Variants in MYH9 observed in about 807,000 individuals in gnomAD.
The protein encoded by MYH9 is myosin-9.
In MYH9, 29 loss-of-function variants were observed where a neutral mutation model predicts 241.9. The ratio of observed to expected loss-of-function variants is 0.12; its 90% confidence interval spans 0.09 to 0.16. The LOEUF (loss-of-function observed/expected upper bound fraction) is 0.16. MYH9 is among the 10% of genes least tolerant of loss of function. The pLI is 1.00. For missense variants in MYH9, 1,803 were observed against 2,595.5 expected, an observed-to-expected ratio of 0.69 and a Z score of 6.63; for synonymous variants, 1,047 against 1,062.6, an observed-to-expected ratio of 0.99 and a Z score of 0.29.
chr22:36,321,688 C>T (rs1603483466), intron 7 of MYH9, 70 bp downstream of exon 7: 1 of 1,411,166 alleles, frequency 7.1e-7, no homozygotes, highest in East Asian at 2.3e-5. Flanking sequence ...CAGGAGGCAG[C>T]TTCTTCTCTA....
At chr22:36,308,059 T>C (rs2017000396) in intron 15 of MYH9, among the ~76,000 whole-genome samples, 1 of 152,092 alleles carries the variant, frequency 6.6e-6, no homozygotes, top group African/African-American at 2.4e-5. Flanking sequence ...GAGTGTGTCC[T>C]GGCCCCACCC....
intron 24 of MYH9, chr22:36,297,219 C>T (rs1569535080): frequency 1.6e-6 from 1 of 612,768 alleles, no homozygotes; most frequent in Non-Finnish European, 2.9e-6. Context: ...CTCTCTCCAA[C>T]TCACCCCTTG....
chr22:36,284,294 C>T, intron 39 of MYH9, 29 bp from the exon 40 acceptor site: 1 of 1,606,022 alleles, frequency 6.2e-7, no homozygotes, highest in Non-Finnish European at 8.5e-7. Flanking sequence ...GGCCCGTGGC[C>T]CCGGTTAGGG....
chr22:36,284,463 C>G lies in MYH9; in HGVS notation c.5532G>C (p.Leu1844=), dbSNP rs774510520. 6.2e-7 allele frequency: 1 copy of G among 1,613,584 alleles called. No individual in the cohort carries two copies. The highest frequency in any genetic ancestry group is 1.7e-5 in the Admixed American group (1 of 60,030). ...CKQVRRTEKK[L]KDVLLQVDDE... ...CATCCACCTGCAGCAGCACATCCTT[C>G]AGCTTCTTCTCGGTCCGACGCACCT... Residue 1844 remains leucine, a synonymous_variant, in exon 39 of 41, where the codon CTG becomes CTC. Coordinates refer to ENST00000216181, the MANE Select transcript of MYH9 (RefSeq NM_002473.6).
chr22:36,381,878 T>C (rs962534655), intron 1 of MYH9, among the ~76,000 whole-genome samples: 2 of 152,256 alleles, frequency 1.3e-5, no homozygotes, highest in Admixed American at 6.5e-5. Flanking sequence ...ATGAAGATTC[T>C]CAGACATTTC....
rs1356205630 is a variant in MYH9, at chr22:36,304,098, A to C, written c.2287T>G (p.Phe763Val). The change falls in exon 19 of 41, where the codon TTC becomes GTC. Residue 763 changes from phenylalanine to valine, a missense_variant. Physicochemically the swap from Phe to Val is conservative, Grantham distance 50. Coordinates refer to ENST00000216181, the MANE Select transcript of MYH9 (RefSeq NM_002473.6). ...LYRIGQSKVF[F>V]RAGVLAHLEE... ...AGGTGGGCCAGCACACCGGCACGGA[A>C]GAAGACTTTGCTCTGGCCAATGCGG... The C allele has an allele frequency of 6.2e-7, 1 of 1,613,836 alleles. No individual in the cohort carries two copies. The highest frequency in any genetic ancestry group is 2.2e-5 in the East Asian group (1 of 44,892).
rs1327842121 is a variant in MYH9 at position 36,306,180 on chromosome 22, G to A, written c.2038-129C>T. ...GGGGGTCGCTACAGCCCACAGGTTT[G>A]GACAATGAAGTCAAAGGATCCAGGT... On this transcript the variant is annotated intron_variant, in intron 16 of 40. Transcript: ENST00000216181. The surrounding 1 kb of genome is among the most constrained non-coding windows in gnomAD (Gnocchi z 4.1). 6.8e-7 allele frequency: 1 copy of A among 1,477,190 alleles called. No homozygotes were observed. Among genetic ancestry groups the A allele is most frequent in the East Asian group, 2.3e-5 (1 of 43,438 alleles). The allele number at this position is 1,477,190 out of a possible 1,614,324, so 91.5% of individuals were successfully genotyped here.
chr22:36,344,707 C>T (rs948169727), intron 2 of MYH9, among the ~76,000 whole-genome samples: 2 of 152,156 alleles, frequency 1.3e-5, no homozygotes, highest in Non-Finnish European at 2.9e-5. Context: ...CTACCCACCA[C>T]GCCCACCCAC....
intron 9 of MYH9, 38 bp from the exon 10 acceptor site, chr22:36,319,673 G>T: frequency 1.3e-6 from 2 of 1,597,886 alleles, no homozygotes; most frequent in Non-Finnish European, 1.7e-6. Context: ...AAGCAGACAT[G>T]GGTCATGGTG....
At chr22:36,332,102 C>G (rs1362635747) in intron 3 of MYH9, among the ~76,000 whole-genome samples, 1 of 152,096 alleles carries the variant, frequency 6.6e-6, no homozygotes, top group Non-Finnish European at 1.5e-5. Flanking sequence ...GGAAACCTCA[C>G]GCACCCCAGG....
At chr22:36,321,017 A>G (rs1291396738) in intron 7 of MYH9, 121 bp from the exon 8 acceptor site, 1 of 732,822 alleles carries the variant, frequency 1.4e-6, no homozygotes, top group Admixed American at 2.1e-5. Context: ...CAGTGGCATG[A>G]TCTCGGCTCA....
chr22:36,292,315 C>T (rs2016719360), intron 30 of MYH9, 81 bp from the exon 31 acceptor site: 2 of 1,576,748 alleles, frequency 1.3e-6, no homozygotes, highest in Non-Finnish European at 1.7e-6. Context: ...CAGCTGGGAG[C>T]CTGCCTGCCA....
In MYH9 at chr22:36,316,591, C is replaced by G; in HGVS notation, c.1306G>C (p.Ala436Pro). 1 of 1,614,108 alleles carries G rather than the reference C, an allele frequency of 6.2e-7. No homozygotes were observed. The highest frequency in any genetic ancestry group is 8.5e-7 in the Non-Finnish European group (1 of 1,180,026). ...CCCTGCCTCTTGGTCTTGTCCAGAG[C>G]CTTGTTGATGCGCAGCACCAGCCAG... ...FRWLVLRINK[A>P]LDKTKRQGAS... The change falls in exon 12 of 41, where the codon GCT becomes CCT. Residue 436 changes from alanine to proline, a missense_variant. Coordinates refer to ENST00000216181, the MANE Select transcript of MYH9 (RefSeq NM_002473.6).
intron 1 of MYH9, among the ~76,000 whole-genome samples, chr22:36,366,423 A>G (rs2018011498): frequency 6.6e-6 from 1 of 152,082 alleles, no homozygotes; most frequent in African/African-American, 2.4e-5. Flanking sequence ...CAGGCAAGTG[A>G]GACTCAGCTG....
At chr22:36,345,228 C>T (rs2017658588) in intron 2 of MYH9, among the ~76,000 whole-genome samples, 1 of 149,758 alleles carries the variant, frequency 6.7e-6, no homozygotes, top group Admixed American at 6.8e-5. Context: ...AGGAGAATGG[C>T]GTGAACCCGG....
chr22:36,336,870 C>T (rs890212550), intron 3 of MYH9, among the ~76,000 whole-genome samples: 8 of 152,250 alleles, frequency 5.3e-5, no homozygotes, highest in African/African-American at 1.4e-4. Context: ...CTCGTCTCTC[C>T]ACCTGGACCG....
chr22:36,319,670 C>A (rs756349841), intron 9 of MYH9, 35 bp from the exon 10 acceptor site: 8 of 1,602,244 alleles, frequency 5.0e-6, no homozygotes, highest in Non-Finnish European at 6.8e-6. Context: ...CAGAAGCAGA[C>A]ATGGGTCATG....
At position 36,341,522 on chromosome 22, in the gene MYH9, T is replaced by C. The variant is rs747387786; in HGVS notation, c.338A>G (p.Tyr113Cys). 3 of 1,614,022 alleles carry C rather than the reference T, an allele frequency of 1.9e-6. No homozygotes were observed. Among genetic ancestry groups the C allele is most frequent in the South Asian group, 1.1e-5 (1 of 91,088 alleles). ...GATGACCACACAGAACAGGCCTGAA[T>C]AGGTCTAAAGAAAAGAGCGGCAGAT... Reference protein sequence around the residue: ...ERYYSGLIYTYSGLFCVVINP... With the variant: ...ERYYSGLIYTCSGLFCVVINP... The change falls in exon 3 of 41, where the codon TAT becomes TGT. Residue 113 changes from tyrosine to cysteine, a missense_variant. Transcript: ENST00000216181.
chr22:36,283,946 A>C, intron 40 of MYH9, 147 bp downstream of exon 40: 2 of 961,344 alleles, frequency 2.1e-6, no homozygotes, highest in East Asian at 4.8e-5. Context: ...TAAAGCCTCA[A>C]AGGCAAGGAG....
Sources: gnomAD v4.1 joint callset for allele counts (sites outside exome capture counted in the v4.1 genomes callset) on GRCh38, gnomAD v4.1.1 for gene constraint, Gnocchi (gnomAD v3.1) non-coding constraint, MANE v1.5 for transcripts, NCBI Gene and HGNC (gene_info 2026-07-23, HGNC 2026-07-21) for gene names.